Variants in ABCA13 observed in about 807,000 individuals in gnomAD.
ABCA13 encodes the protein ATP-binding cassette sub-family A member 13.
In ABCA13, 476 loss-of-function variants were observed where a neutral mutation model predicts 478.7. The observed-to-expected ratio is 0.99, with a 90% CI of 0.92 to 1.07. ABCA13 has a LOEUF of 1.07. Among genes scored for constraint, ABCA13 ranks in the 50% least tolerant of loss-of-function variants. ABCA13 has a pLI of 0.00. For synonymous variants in ABCA13, 2,252 were observed against 2,158.9 expected (o/e 1.04, Z -1.20); for missense variants, 6,060 against 5,910.6 (o/e 1.03, Z -0.83).
intron 32 of ABCA13, among the ~76,000 whole-genome samples, chr7:48,368,869 T>C (rs935779213): frequency 6.6e-6 from 1 of 151,864 alleles, no homozygotes. Context: ...TTGCGAATTG[T>C]GCTGCTATAA....
At position 48,615,396 on chromosome 7, in the gene ABCA13, T is replaced by C; in HGVS notation, c.14837+19T>C. ...AAAATAGGTGCGTTGAAGTTCTCCT[T>C]TTGCTTAGATATTTACTATGAAATC... On this transcript the variant is annotated intron_variant, in intron 59 of 61. Coordinates refer to ENST00000435803, the MANE Select transcript of ABCA13 (RefSeq NM_152701.5). The C allele has an allele frequency of 1.3e-6, 2 of 1,546,176 alleles. No homozygotes were observed. Among genetic ancestry groups the C allele is most frequent in the South Asian group, 2.4e-5 (2 of 83,582 alleles).
At chr7:48,568,884 T>G (rs1045560544) in intron 55 of ABCA13, among the ~76,000 whole-genome samples, 2 of 151,996 alleles carry the variant, frequency 1.3e-5, no homozygotes, top group African/African-American at 2.4e-5. Context: ...TCTAGGAATT[T>G]GTCCGTGTTA....
At position 48,625,505 on chromosome 7, in the gene ABCA13, A is replaced by G. The variant is rs1330739785; in HGVS notation, c.14837+10128A>G. 3.3e-5 allele frequency among the ~76,000 whole-genome samples: 5 copies of G among 152,162 alleles called. No homozygotes were observed. In the East Asian group the frequency reaches 9.6e-4, roughly 29 times the overall value. ...ACTAACCACTGAATTAATTCTCTTTACTAGAAATGATTTTAAGAGAGATAG... is the reference window on the plus strand; with the variant it reads ...ACTAACCACTGAATTAATTCTCTTTGCTAGAAATGATTTTAAGAGAGATAG... On this transcript the variant is annotated intron_variant, in intron 59 of 61. Coordinates refer to ENST00000435803, the MANE Select transcript of ABCA13 (RefSeq NM_152701.5).
chr7:48,198,914 C>T (rs1394227203), intron 3 of ABCA13, among the ~76,000 whole-genome samples: 1 of 152,108 alleles, frequency 6.6e-6, no homozygotes, highest in Non-Finnish European at 1.5e-5. Context: ...TGGCCTTAAA[C>T]TCAAGAAGAG....
At chr7:48,632,939 G>A (rs908736882) in intron 59 of ABCA13, among the ~76,000 whole-genome samples, 1 of 152,122 alleles carries the variant, frequency 6.6e-6, no homozygotes, top group African/African-American at 2.4e-5. Flanking sequence ...GTGAATGAAT[G>A]ACTTAAATGT....
At chr7:48,451,080 C>T (rs923126934) in intron 42 of ABCA13, among the ~76,000 whole-genome samples, 4 of 150,544 alleles carry the variant, frequency 2.7e-5, no homozygotes, top group African/African-American at 9.8e-5. Context: ...TCACTGCAAC[C>T]TCCGCCTCCC....
chr7:48,246,013 G>C lies in ABCA13; in HGVS notation c.1642G>C (p.Gly548Arg), dbSNP rs769670293. The C allele has an allele frequency of 1.2e-6, 2 of 1,613,328 alleles. No individual in the cohort carries two copies. The highest frequency in any genetic ancestry group is 1.7e-6 in the Non-Finnish European group (2 of 1,179,564). ...GACGAGTGTTTTAAACAAGCTACTT[G>C]GTTCAGTAGAGGATGCTGTAAGTAT... is the stretch of plus-strand genomic sequence containing the variant. ...SETSVLNKLLGSVEDADRILQ... is the reference protein window; with the variant it reads ...SETSVLNKLLRSVEDADRILQ... Residue 548 changes from glycine to arginine, a missense_variant, in exon 13 of 62, where the codon GGT becomes CGT. Around this residue, in one of 3 missense-constraint regions of ABCA13, gnomAD observed 4,423 missense variants for 4,309.1 expected, o/e 1.03. Transcript: ENST00000435803.
chr7:48,534,503 A>G (rs757017811), intron 55 of ABCA13, among the ~76,000 whole-genome samples: 1 of 152,050 alleles, frequency 6.6e-6, no homozygotes, highest in East Asian at 1.9e-4. Context: ...TCTTTTTTCA[A>G]TGAATTTCCC....
Position 48,507,868 on chromosome 7 carries a change from G to C in ABCA13, c.13347-4G>C. ...GCCTGAGAGCTGCTCTGTTCCACCCGCAGCCTGGAGAGCATCCGTCAGTGT... is the reference window on the plus strand; with the variant it reads ...GCCTGAGAGCTGCTCTGTTCCACCCCCAGCCTGGAGAGCATCCGTCAGTGT... On this transcript the variant is annotated splice_polypyrimidine_tract_variant and splice_region_variant and intron_variant, in intron 49 of 61. Coordinates refer to ENST00000435803, the MANE Select transcript of ABCA13 (RefSeq NM_152701.5). 6.2e-7 allele frequency: 1 copy of C among 1,600,380 alleles called. No individual in the cohort carries two copies. The highest frequency in any genetic ancestry group is 8.5e-7 in the Non-Finnish European group (1 of 1,172,800).
chr7:48,274,045 A>G lies in ABCA13; in HGVS notation c.4379A>G (p.Asn1460Ser), dbSNP rs550402663. 4.4e-6 allele frequency: 7 copies of G among 1,606,516 alleles called. No individual in the cohort carries two copies. The African/African-American group carries it at 8.0e-5, about 18-fold the overall frequency. Residue 1460 changes from asparagine (N) to serine (S), a missense_variant, in exon 17 of 62, where the codon AAT (asparagine) becomes AGT (serine). By Grantham distance (46) the Asn-to-Ser change is conservative (BLOSUM62 1). Around this residue, in one of 3 missense-constraint regions of ABCA13, gnomAD observed 4,423 missense variants for 4,309.1 expected, o/e 1.03. Coordinates refer to ENST00000435803, the MANE Select transcript of ABCA13 (RefSeq NM_152701.5). Reference sequence around the variant, plus strand: ...AATGGCTCACATATAAATTGTGTCAATATTTACTTGAAAGATGTAACTGAC... The same window carrying G: ...AATGGCTCACATATAAATTGTGTCAGTATTTACTTGAAAGATGTAACTGAC... Reference protein sequence around the residue: ...SSNGSHINCVNIYLKDVTDFL... With the variant: ...SSNGSHINCVSIYLKDVTDFL...
intron 38 of ABCA13, 94 bp downstream of exon 38, chr7:48,392,233 G>T (rs1283475948): frequency 1.7e-6 from 2 of 1,178,050 alleles, no homozygotes; most frequent in African/African-American, 3.0e-5. Flanking sequence ...AATCATCTGT[G>T]TCTACATTTA....
intron 58 of ABCA13, among the ~76,000 whole-genome samples, chr7:48,607,227 G>A (rs539185018): frequency 2.0e-5 from 3 of 152,294 alleles, no homozygotes; most frequent in South Asian, 2.1e-4. Context: ...CAGGAAAAGC[G>A]CAGTATCTGG....
In ABCA13 at chr7:48,481,142, C is replaced by G. The variant is rs539020285; in HGVS notation, c.13082C>G (p.Ser4361Cys). The stretch of plus-strand genomic sequence containing the variant: ...ATGGAGGAGTACTTGCTGGCACCAT[C>G]TGAAAAACCAAGGTGTGTTCAATAC... The part of the protein sequence containing the change: ...FNMEEYLLAP[S>C]EKPRLGGWSF... Residue 4361 changes from serine to cysteine, a missense_variant, in exon 46 of 62, where the codon TCT becomes TGT. Physicochemically the swap from Ser to Cys is moderately radical, Grantham distance 112. This residue lies in a region of ABCA13 where 1,627 missense variants were observed against 1,571.0 expected (regional missense o/e 1.04). Coordinates refer to ENST00000435803, the MANE Select transcript of ABCA13 (RefSeq NM_152701.5). 8.8e-6 allele frequency: 14 copies of G among 1,582,734 alleles called. No homozygotes were observed. Among genetic ancestry groups the G allele is most frequent in the Admixed American group, 1.8e-5 (1 of 55,724 alleles).
chr7:48,261,110 T>TG (rs1373729325), intron 15 of ABCA13, among the ~76,000 whole-genome samples: 1 of 151,968 alleles, frequency 6.6e-6, no homozygotes, highest in East Asian at 1.9e-4. Context: ...GCCAATATAT[T>TG]GACTCTCTCT....
chr7:48,382,254 T>A (rs1466190117), intron 35 of ABCA13, among the ~76,000 whole-genome samples: 1 of 152,142 alleles, frequency 6.6e-6, no homozygotes, highest in Non-Finnish European at 1.5e-5. Context: ...GCATCCTACC[T>A]GCATGTTGAC....
intron 55 of ABCA13, among the ~76,000 whole-genome samples, chr7:48,575,969 C>T (rs528798431): frequency 1.2e-4 from 19 of 152,128 alleles, no homozygotes; most frequent in East Asian, 5.8e-4. Flanking sequence ...ATGATTCTGC[C>T]GGTACTGAAC....
At chr7:48,435,253 C>G (rs1209329678) in intron 42 of ABCA13, among the ~76,000 whole-genome samples, 2 of 151,570 alleles carry the variant, frequency 1.3e-5, no homozygotes, top group East Asian at 3.9e-4. Flanking sequence ...GTATTTTATT[C>G]TCTTTTATGT....
chr7:48,283,432 G>A (rs769136251), intron 19 of ABCA13, among the ~76,000 whole-genome samples: 1 of 152,204 alleles, frequency 6.6e-6, no homozygotes, highest in Non-Finnish European at 1.5e-5. Context: ...AGAAGACCTT[G>A]AGGGTGCAGT....
intron 55 of ABCA13, among the ~76,000 whole-genome samples, chr7:48,579,880 G>T (rs1423557964): frequency 1.3e-5 from 2 of 152,136 alleles, no homozygotes; most frequent in African/African-American, 4.8e-5. Context: ...CTGGTAGGGA[G>T]ACATCTTTAC....
Sources: allele counts gnomAD v4.1 joint callset (sites outside exome capture counted in the v4.1 genomes callset), GRCh38; gene constraint gnomAD v4.1.1; regional missense constraint gnomAD v4.1.1; transcripts MANE v1.5; gene names NCBI Gene and HGNC (gene_info 2026-07-23, HGNC 2026-07-21).